SHQ1: variants seen among roughly 807,000 people sequenced by gnomAD.
SHQ1 encodes SHQ1, H/ACA ribonucleoprotein assembly factor, also known as protein SHQ1 homolog.
A neutral mutation model predicts 53.8 loss-of-function variants in SHQ1; 49 were observed. The observed-to-expected ratio is 0.91, with a 90% confidence interval of 0.72 to 1.16. SHQ1 has a LOEUF of 1.16. SHQ1 is among the 50% of genes most tolerant of loss of function. The probability of loss-of-function intolerance (pLI) is 0.00; values close to 1 mark genes in which losing one functional copy is unlikely to be tolerated. For missense variants in SHQ1, 738 were observed against 683.1 expected (o/e 1.08, Z -0.90); for synonymous variants, 243 against 251.0 (o/e 0.97, Z 0.30).
chr3:72,846,718 G>T (rs756983720), intron 1 of SHQ1, among the ~76,000 whole-genome samples: 2 of 152,182 alleles, frequency 1.3e-5, no homozygotes, highest in Non-Finnish European at 2.9e-5. Context: ...CAATAAAGCA[G>T]AAGTGACACA....
chr3:72,749,207 C>A (rs185558641), downstream of SHQ1: 299 of 196,830 alleles, frequency 1.5e-3, 1 homozygote, highest in African/African-American at 6.5e-3. Context: ...CATATACCTA[C>A]CATATGGCTT....
chr3:72,769,682 G>T (rs773042105), intron 10 of SHQ1, among the ~76,000 whole-genome samples: 1 of 152,122 alleles, frequency 6.6e-6, no homozygotes, highest in African/African-American at 2.4e-5. Flanking sequence ...CTCTTGCAAC[G>T]GGGCCAGGGT....
chr3:72,794,231 A>G (rs1256604638), intron 9 of SHQ1: 2 of 152,232 alleles, frequency 1.3e-5, no homozygotes, highest in Non-Finnish European at 2.9e-5. Context: ...TTTAGATCAT[A>G]AAAGAATCAT....
At chr3:72,765,309 T>G (rs1705695657) in intron 10 of SHQ1, among the ~76,000 whole-genome samples, 1 of 151,914 alleles carries the variant, frequency 6.6e-6, no homozygotes, top group African/African-American at 2.4e-5. Flanking sequence ...ATGCCACCAC[T>G]TGCCTGTCTC....
At chr3:72,837,744 C>T (rs1196631477) in intron 4 of SHQ1, among the ~76,000 whole-genome samples, 1 of 152,214 alleles carries the variant, frequency 6.6e-6, no homozygotes, top group Non-Finnish European at 1.5e-5. Context: ...CTGCTTTACT[C>T]ATAGAATTAG....
chr3:72,751,407 A>T (rs781148105), intron 10 of SHQ1, among the ~76,000 whole-genome samples: 7 of 151,794 alleles, frequency 4.6e-5, no homozygotes, highest in Non-Finnish European at 1.0e-4. Flanking sequence ...CAACACAGTG[A>T]GACTCCATCT....
chr3:72,832,206 G>C (rs1389705225), intron 5 of SHQ1, among the ~76,000 whole-genome samples, 163 bp downstream of exon 5: 1 of 152,130 alleles, frequency 6.6e-6, no homozygotes, highest in Non-Finnish European at 1.5e-5. Flanking sequence ...AGATTACAGA[G>C]GTACAACCAT....
chr3:72,786,275 A>T (rs1706228138), intron 10 of SHQ1, among the ~76,000 whole-genome samples: 2 of 152,092 alleles, frequency 1.3e-5, no homozygotes, highest in South Asian at 2.1e-4. Context: ...TTCATTCCCC[A>T]CAATCACCTG....
intron 1 of SHQ1, among the ~76,000 whole-genome samples, chr3:72,845,489 A>G (rs998717271): frequency 6.6e-6 from 1 of 151,004 alleles, no homozygotes; most frequent in Non-Finnish European, 1.5e-5. Context: ...TGTGTCCAAA[A>G]AAAAAAAAAG....
chr3:72,787,944 G>C (rs563616273), intron 10 of SHQ1, among the ~76,000 whole-genome samples: 1 of 152,350 alleles, frequency 6.6e-6, no homozygotes, highest in East Asian at 1.9e-4. Flanking sequence ...TCCAGCTCCT[G>C]ACCGCGAGTG....
At chr3:72,750,889 G>A (rs1413106245) in intron 10 of SHQ1, 53 bp from the exon 11 acceptor site, 2 of 1,417,908 alleles carry the variant, frequency 1.4e-6, no homozygotes, top group East Asian at 5.0e-5. Context: ...TTGGCCTGGG[G>A]ATAACAGGTT....
At chr3:72,801,092 A>G (rs1221742523) in intron 9 of SHQ1, among the ~76,000 whole-genome samples, 1 of 152,202 alleles carries the variant, frequency 6.6e-6, no homozygotes, top group African/African-American at 2.4e-5. Context: ...ACTAATTTCA[A>G]TTTCTTCAGA....
At chr3:72,839,372 A>G (rs371533900) in intron 4 of SHQ1, among the ~76,000 whole-genome samples, 1 of 152,162 alleles carries the variant, frequency 6.6e-6, no homozygotes, top group African/African-American at 2.4e-5. Flanking sequence ...GCAGACCACA[A>G]CTCAGCAGAA....
At chr3:72,807,905 A>G (rs529324241) in intron 9 of SHQ1, among the ~76,000 whole-genome samples, 3 of 152,340 alleles carry the variant, frequency 2.0e-5, no homozygotes, top group Admixed American at 6.5e-5. Context: ...CTGAAGTAAT[A>G]CCTGGTTTTA....
At chr3:72,746,669 T>C (rs1327459184), downstream of SHQ1, among the ~76,000 whole-genome samples, 1 of 152,196 alleles carries the variant, frequency 6.6e-6, no homozygotes, top group African/African-American at 2.4e-5. Flanking sequence ...TGTTTGCTCA[T>C]TCTTTGAGGA....
At chr3:72,846,878 A>C (rs1321392139) in intron 1 of SHQ1, among the ~76,000 whole-genome samples, 1 of 152,208 alleles carries the variant, frequency 6.6e-6, no homozygotes, top group Non-Finnish European at 1.5e-5. Context: ...ACTAACCTGG[A>C]GTAAAAATTC....
intron 10 of SHQ1, among the ~76,000 whole-genome samples, chr3:72,757,822 A>G (rs905493089): frequency 2.4e-4 from 37 of 152,172 alleles, no homozygotes; most frequent in Admixed American, 2.4e-3. Flanking sequence ...AGGGCCTATC[A>G]GAGGGTGGAG....
chr3:72,790,378 T>C (rs1432647430), intron 10 of SHQ1, among the ~76,000 whole-genome samples: 1 of 152,246 alleles, frequency 6.6e-6, no homozygotes, highest in Non-Finnish European at 1.5e-5. Context: ...GTTTTTGTGC[T>C]AGTCAGAATT....
intron 9 of SHQ1, among the ~76,000 whole-genome samples, chr3:72,804,594 C>T (rs1038261489): frequency 1.3e-5 from 2 of 152,170 alleles, no homozygotes; most frequent in Non-Finnish European, 2.9e-5. Flanking sequence ...AACTCTTCAC[C>T]AATTCTGTTA....
Sources: allele counts gnomAD v4.1 joint callset (sites outside exome capture counted in the v4.1 genomes callset), GRCh38; gene constraint gnomAD v4.1.1; transcripts MANE v1.5; gene names NCBI Gene and HGNC (gene_info 2026-07-23, HGNC 2026-07-21).